Variants in DLG1 observed in about 807,000 individuals in gnomAD.
DLG1 encodes discs large MAGUK scaffold protein 1, also known as disks large homolog 1.
DLG1 carries 42 observed loss-of-function variants against 123.4 expected under a neutral mutation model. The observed-to-expected ratio is 0.34, with a 90% CI of 0.27 to 0.44. DLG1 has a LOEUF of 0.44. Among genes scored for constraint, DLG1 ranks in the 20% least tolerant of loss-of-function variants. The pLI is 1.00. For synonymous variants in DLG1, 317 were observed against 356.2 expected (o/e 0.89, Z 1.24); for missense variants, 942 against 1,082.6 (o/e 0.87, Z 1.82).
intron 5 of DLG1, among the ~76,000 whole-genome samples, chr3:197,154,568 G>A (rs528912389): frequency 1.7e-4 from 26 of 151,960 alleles, no homozygotes; most frequent in African/African-American, 5.8e-4. Flanking sequence ...CCAGCTACTC[G>A]GGAGGCTGAG....
chr3:197,249,974 T>C (rs1460053051), intron 4 of DLG1, among the ~76,000 whole-genome samples: 4 of 152,100 alleles, frequency 2.6e-5, no homozygotes, highest in Admixed American at 6.5e-5. Flanking sequence ...TGGGGAAAAA[T>C]TGAAGGTCTT....
At chr3:197,057,439 G>A (rs1732528921) in intron 23 of DLG1, among the ~76,000 whole-genome samples, 1 of 152,140 alleles carries the variant, frequency 6.6e-6, no homozygotes, top group Admixed American at 6.5e-5. Context: ...TGTAAACACA[G>A]GTAAGCGTTT....
At chr3:197,292,312 TACA>T (rs1775330881) in intron 3 of DLG1, among the ~76,000 whole-genome samples, 1 of 152,160 alleles carries the variant, frequency 6.6e-6, no homozygotes, top group Non-Finnish European at 1.5e-5. Context: ...TGTCAACAAC[TACA>T]ACATGAATGA....
intron 14 of DLG1, among the ~76,000 whole-genome samples, chr3:197,102,504 C>G (rs139740860): frequency 5.9e-5 from 9 of 152,180 alleles, no homozygotes; most frequent in Non-Finnish European, 1.2e-4. Context: ...GTTGTGTGTG[C>G]GTGTAGCTAA....
Position 197,106,744 on chromosome 3 carries a change from A to G in DLG1, c.1444-1739T>C, listed in dbSNP as rs533775332. ...TAAAGACTTTCCAGACTATCACTGAACATTTCAATTGAAGATACATTATTA... is the reference window on the plus strand; with the variant it reads ...TAAAGACTTTCCAGACTATCACTGAGCATTTCAATTGAAGATACATTATTA... On this transcript the variant is annotated intron_variant, in intron 13 of 24. Coordinates refer to ENST00000667157, the MANE Select transcript of DLG1 (RefSeq NM_001366207.1). Among the ~76,000 whole-genome samples, 10 of 152,340 alleles carry G rather than the reference A, an allele frequency of 6.6e-5. 1 individual carries two copies. In the South Asian group the frequency reaches 2.1e-3, roughly 32 times the overall value.
intron 24 of DLG1, among the ~76,000 whole-genome samples, chr3:197,048,182 A>G (rs750942814): frequency 3.3e-5 from 5 of 152,214 alleles, no homozygotes; most frequent in Non-Finnish European, 5.9e-5. Flanking sequence ...AACCAAAACC[A>G]TAATGAGGCT....
chr3:197,068,092 A>C (rs1740999648), intron 19 of DLG1, among the ~76,000 whole-genome samples: 1 of 152,236 alleles, frequency 6.6e-6, no homozygotes, highest in Non-Finnish European at 1.5e-5. Context: ...ACATTGGCAT[A>C]AACATTCTTT....
chr3:197,165,295 A>G (rs1009666662), intron 5 of DLG1, among the ~76,000 whole-genome samples: 3 of 152,228 alleles, frequency 2.0e-5, no homozygotes, highest in Admixed American at 2.0e-4. Context: ...CAAACTGAAA[A>G]TGTATTTCAC....
chr3:197,154,254 A>G (rs540215242), intron 5 of DLG1, among the ~76,000 whole-genome samples: 14 of 152,152 alleles, frequency 9.2e-5, no homozygotes, highest in Non-Finnish European at 1.8e-4. Context: ...ATGAGCCGAG[A>G]TGACACCACT....
At chr3:197,294,042 A>G (rs1182707697) in intron 3 of DLG1, 1 of 152,320 alleles carries the variant, frequency 6.6e-6, no homozygotes, top group Non-Finnish European at 1.5e-5. Context: ...TTTCAAAACA[A>G]TGGTAGAGTT....
intron 5 of DLG1, among the ~76,000 whole-genome samples, chr3:197,158,004 GAC>G (rs1260735599): frequency 6.6e-6 from 1 of 152,184 alleles, no homozygotes; most frequent in Non-Finnish European, 1.5e-5. Context: ...TCTTGGATAT[GAC>G]ACAAAGGTAC....
rs567123333 is a variant in DLG1 at position 197,086,624 on chromosome 3, T to TA, written c.1662-869dup. On this transcript the variant is annotated intron_variant, in intron 15 of 24. Transcript: ENST00000667157. ...AAGTAAAACTCAAGAGGGGTGGAAT[T>TA]ACTTGATGGCTAAATAAATAAACTA... Among the ~76,000 whole-genome samples, 381 of 152,332 alleles carry TA rather than the reference T, an allele frequency of 2.5e-3. 2 individuals carry two copies. The highest frequency in any genetic ancestry group is 0.01 in the Middle Eastern group (3 of 294).
chr3:197,105,869 G>A (rs1352940728), intron 13 of DLG1, among the ~76,000 whole-genome samples: 1 of 152,122 alleles, frequency 6.6e-6, no homozygotes, highest in Non-Finnish European at 1.5e-5. Flanking sequence ...ATATGGCAAT[G>A]TTCAGGACCT....
At chr3:197,084,501 G>A (rs1305102902) in intron 16 of DLG1, among the ~76,000 whole-genome samples, 8 of 151,536 alleles carry the variant, frequency 5.3e-5, no homozygotes, top group Non-Finnish European at 8.8e-5. Context: ...TAGTAGAGAC[G>A]GGGTTTCACC....
chr3:197,261,856 A>C (rs1759587661), intron 4 of DLG1, among the ~76,000 whole-genome samples: 2 of 152,128 alleles, frequency 1.3e-5, no homozygotes, highest in Admixed American at 1.3e-4. Flanking sequence ...ACTTTATCTA[A>C]TGGGGCTGTT....
intron 6 of DLG1, among the ~76,000 whole-genome samples, chr3:197,143,762 C>T (rs191053962): frequency 2.4e-4 from 37 of 152,316 alleles, no homozygotes; most frequent in Non-Finnish European, 4.6e-4. Context: ...CATTACATAT[C>T]CTGCAATTTT....
chr3:197,245,405 G>T (rs183795087), intron 4 of DLG1, among the ~76,000 whole-genome samples: 1 of 152,100 alleles, frequency 6.6e-6, no homozygotes, highest in Admixed American at 6.6e-5. Context: ...GGGTATTTTG[G>T]TATAATCAAT....
intron 13 of DLG1, among the ~76,000 whole-genome samples, 183 bp downstream of exon 13, chr3:197,115,744 A>G (rs578003777): frequency 5.9e-5 from 9 of 152,234 alleles, no homozygotes; most frequent in Non-Finnish European, 1.0e-4. Flanking sequence ...ACCCCTTTCT[A>G]TAAAAGAACA....
intron 4 of DLG1, among the ~76,000 whole-genome samples, chr3:197,257,729 A>G (rs1757477596): frequency 6.6e-6 from 1 of 152,218 alleles, no homozygotes; most frequent in South Asian, 2.1e-4. Flanking sequence ...CCTCCATGCT[A>G]AAGAACACGA....
Sources: allele counts gnomAD v4.1 joint callset (sites outside exome capture counted in the v4.1 genomes callset), GRCh38; gene constraint gnomAD v4.1.1; transcripts MANE v1.5; gene names NCBI Gene and HGNC (gene_info 2026-07-23, HGNC 2026-07-21).